PACRG: variants seen among roughly 807,000 people sequenced by gnomAD.
PACRG encodes parkin coregulated gene protein.
In PACRG, 29 loss-of-function variants were observed where a neutral mutation model predicts 29.7. The ratio of observed to expected loss-of-function variants is 0.98; its 90% CI spans 0.73 to 1.33. The LOEUF is 1.33. Among genes scored for constraint, PACRG ranks in the 40% most tolerant of loss-of-function variants. The probability of loss-of-function intolerance (pLI) is 0.00; values close to 1 mark genes in which losing one functional copy is unlikely to be tolerated. For synonymous variants in PACRG, 116 were observed against 118.7 expected (o/e 0.98, Z 0.15); for missense variants, 279 against 316.2 (o/e 0.88, Z 0.89).
At chr6:162,774,131 A>G (rs886710651) in intron 1 of PACRG, among the ~76,000 whole-genome samples, 4 of 152,136 alleles carry the variant, frequency 2.6e-5, no homozygotes, top group African/African-American at 4.8e-5. Context: ...GACGAATGGT[A>G]TTTTTTTCAA....
At chr6:163,091,437 C>T (rs1051188225) in intron 4 of PACRG, among the ~76,000 whole-genome samples, 2 of 152,164 alleles carry the variant, frequency 1.3e-5, no homozygotes, top group Non-Finnish European at 2.9e-5. Flanking sequence ...AAAGTTCATA[C>T]GAGAGTCCTT....
intron 2 of PACRG, among the ~76,000 whole-genome samples, chr6:163,010,904 G>A (rs1259975870): frequency 1.3e-5 from 2 of 152,200 alleles, no homozygotes; most frequent in African/African-American, 4.8e-5. Context: ...TACTCAGTGG[G>A]GCAGGCACTG....
intron 4 of PACRG, among the ~76,000 whole-genome samples, chr6:163,172,347 T>A (rs1159378691): frequency 6.6e-6 from 1 of 152,114 alleles, no homozygotes; most frequent in Non-Finnish European, 1.5e-5. Context: ...ACAACAAAGA[T>A]GATGGGATTT....
At chr6:163,308,661 G>A (rs1200912143) in intron 4 of PACRG, among the ~76,000 whole-genome samples, 9 of 106,302 alleles carry the variant, frequency 8.5e-5, no homozygotes, top group South Asian at 2.7e-4. Flanking sequence ...GTGAGGCTCC[G>A]TCTCAAAAAA....
intron 4 of PACRG, among the ~76,000 whole-genome samples, chr6:163,186,404 G>A (rs1779935831): frequency 6.6e-6 from 1 of 151,602 alleles, no homozygotes; most frequent in South Asian, 2.1e-4. Flanking sequence ...CACACACACA[G>A]ACACAGACAC....
intron 2 of PACRG, among the ~76,000 whole-genome samples, chr6:162,976,056 AAAAC>A (rs1425057275): frequency 2.0e-5 from 3 of 152,164 alleles, no homozygotes; most frequent in African/African-American, 7.2e-5. Context: ...AGGCTTAGCA[AAAAC>A]AAACAAACAC....
chr6:162,968,266 A>C (rs1356880265), intron 2 of PACRG, among the ~76,000 whole-genome samples: 2 of 152,246 alleles, frequency 1.3e-5, no homozygotes, highest in Admixed American at 1.3e-4. Flanking sequence ...TACCTTCAGA[A>C]AATAGCATTG....
At chr6:163,292,575 A>ATTATTTATTTATTTATTTAT (rs1554242810) in intron 4 of PACRG, among the ~76,000 whole-genome samples, 15 of 97,886 alleles carry the variant, frequency 1.5e-4, no homozygotes, top group South Asian at 3.4e-4. Context: ...TAATTTATGT[A>ATTATTTATTTATTTATTTAT]TTATTTATTT....
At chr6:163,076,860 G>A (rs937859273) in intron 3 of PACRG, among the ~76,000 whole-genome samples, 1 of 151,924 alleles carries the variant, frequency 6.6e-6, no homozygotes, top group South Asian at 2.1e-4. Context: ...TCCCCACTCT[G>A]CCTTCCCTCC....
chr6:163,206,266 A>T (rs552495845), intron 4 of PACRG, among the ~76,000 whole-genome samples: 1 of 152,278 alleles, frequency 6.6e-6, no homozygotes, highest in South Asian at 2.1e-4. Context: ...GCACGTGTAT[A>T]TTCATGACAA....
chr6:163,153,934 T>C (rs1368985511), intron 4 of PACRG, among the ~76,000 whole-genome samples: 1 of 152,142 alleles, frequency 6.6e-6, no homozygotes, highest in Non-Finnish European at 1.5e-5. Context: ...AAGAAAGCAG[T>C]GATTCCCAGC....
chr6:163,241,166 GA>G (rs1782492177), intron 4 of PACRG, among the ~76,000 whole-genome samples: 1 of 152,110 alleles, frequency 6.6e-6, no homozygotes, highest in South Asian at 2.1e-4. Context: ...TTACCTGAGA[GA>G]GGGGAAGAAA....
intron 4 of PACRG, among the ~76,000 whole-genome samples, chr6:163,106,534 T>C (rs1815391274): frequency 6.9e-6 from 1 of 144,450 alleles, no homozygotes; most frequent in African/African-American, 2.5e-5. Flanking sequence ...TCAGCCTTTA[T>C]GTAATAGTAT....
chr6:162,870,597 C>A (rs1304663012), intron 2 of PACRG, among the ~76,000 whole-genome samples: 6 of 152,156 alleles, frequency 3.9e-5, no homozygotes, highest in Non-Finnish European at 8.8e-5. Flanking sequence ...CCTCCTGAGT[C>A]CCCAAAGTCC....
chr6:162,842,503 A>T (rs961750223), intron 2 of PACRG, among the ~76,000 whole-genome samples: 42 of 152,004 alleles, frequency 2.8e-4, no homozygotes, highest in Admixed American at 1.1e-3. Flanking sequence ...TGGACATGAG[A>T]TGGGTTTCCT....
chr6:163,017,086 T>G (rs1206971641), intron 2 of PACRG, among the ~76,000 whole-genome samples: 1 of 152,176 alleles, frequency 6.6e-6, no homozygotes, highest in Non-Finnish European at 1.5e-5. Context: ...AATGGCTACT[T>G]TCAGTTAACT....
chr6:163,294,911 T>C (rs1037257754), intron 4 of PACRG, among the ~76,000 whole-genome samples: 4 of 152,250 alleles, frequency 2.6e-5, no homozygotes, highest in African/African-American at 9.6e-5. Flanking sequence ...TTCATTATTT[T>C]GCATATGGTG....
At chr6:162,876,398 T>G (rs971260782) in intron 2 of PACRG, among the ~76,000 whole-genome samples, 2 of 152,176 alleles carry the variant, frequency 1.3e-5, no homozygotes, top group East Asian at 3.9e-4. Flanking sequence ...TTTTCTCTCT[T>G]TATTGTTTAC....
At chr6:162,785,039 T>C (rs542798348) in intron 1 of PACRG, among the ~76,000 whole-genome samples, 55 of 152,260 alleles carry the variant, frequency 3.6e-4, no homozygotes, top group Admixed American at 5.2e-4. Flanking sequence ...AAACTTCTCA[T>C]TGGGAAAACA....
Sources: allele counts gnomAD v4.1 joint callset (sites outside exome capture counted in the v4.1 genomes callset), GRCh38; gene constraint gnomAD v4.1.1; transcripts MANE v1.5; gene names NCBI Gene and HGNC (gene_info 2026-07-23, HGNC 2026-07-21).